The following PYROXD1 variants were observed in gnomAD, a reference collection of about 807,000 sequenced individuals.
The protein encoded by PYROXD1 is pyridine nucleotide-disulphide oxidoreductase domain 1, also known as tRNA ligase complex-associated NAD(P)H dehydrogenase PYROXD1.
Under a neutral mutation model 62.0 loss-of-function variants are expected in PYROXD1, and 42 were observed. That is an observed-to-expected ratio of 0.68 (90% CI 0.53 to 0.88). The LOEUF is 0.88. Among genes scored for constraint, PYROXD1 ranks in the 40% least tolerant of loss-of-function variants. The pLI is 0.00. For missense variants in PYROXD1, 493 were observed against 604.8 expected (o/e 0.82, Z 1.94); for synonymous variants, 170 against 206.4 (o/e 0.82, Z 1.51).
intron 10 of PYROXD1, among the ~76,000 whole-genome samples, chr12:21,463,234 G>A (rs1366166271): frequency 1.3e-5 from 2 of 152,186 alleles, no homozygotes; most frequent in Middle Eastern, 3.2e-3. Context: ...TAATGTGACT[G>A]AGGAACTGAA....
intron 2 of PYROXD1, among the ~76,000 whole-genome samples, chr12:21,442,330 T>C (rs1198943921): frequency 6.6e-6 from 1 of 152,084 alleles, no homozygotes; most frequent in Non-Finnish European, 1.5e-5. Flanking sequence ...GGTAATAGAA[T>C]ATGAGGTGAG....
intron 7 of PYROXD1, among the ~76,000 whole-genome samples, chr12:21,458,106 C>CTA (rs1942632732): frequency 6.6e-6 from 1 of 152,154 alleles, no homozygotes; most frequent in Non-Finnish European, 1.5e-5. Context: ...TGTGAAGGTC[C>CTA]TAGATAGCAT....
chr12:21,460,870 G>A (rs1399079509), intron 7 of PYROXD1, 155 bp from the exon 8 acceptor site: 3 of 436,734 alleles, frequency 6.9e-6, no homozygotes, highest in Non-Finnish European at 1.2e-5. Context: ...TGTGCATAGA[G>A]AGACTTATTT....
Position 21,469,572 on chromosome 12 carries a change from A to G in PYROXD1, c.*818A>G, listed in dbSNP as rs1942878691. ...TCAAAAAGATGGTTATGTCAAAAGA[A>G]AAAATATAGCTAAGTATATAAAGGC... On this transcript the variant is annotated 3_prime_UTR_variant, in exon 12 of 12. Coordinates refer to ENST00000240651, the MANE Select transcript of PYROXD1 (RefSeq NM_024854.5). 6.6e-6 allele frequency: 1 copy of G among 152,094 alleles called. No homozygotes were observed. The highest frequency in any genetic ancestry group is 6.6e-5 in the Admixed American group (1 of 15,170). The allele number at this position is 152,094 out of a possible 1,614,324, so 9.4% of individuals were successfully genotyped here.
intron 10 of PYROXD1, among the ~76,000 whole-genome samples, chr12:21,466,349 G>C (rs1942793514): frequency 6.6e-6 from 1 of 151,252 alleles, no homozygotes; most frequent in Admixed American, 6.6e-5. Flanking sequence ...TCATTGAGCA[G>C]TGGTTTGTAG....
chr12:21,469,032 A>G lies in PYROXD1; in HGVS notation c.*278A>G. 3.5e-6 allele frequency: 1 copy of G among 284,748 alleles called. No individual in the cohort carries two copies. Among genetic ancestry groups the G allele is most frequent in the Middle Eastern group, 1.2e-3 (1 of 820 alleles). The allele number at this position is 284,748 out of a possible 1,614,324, so 17.6% of individuals were successfully genotyped here. ...TTAAACATAAATATGTTTACTTGTG[A>G]TTTAGCTTTGGAGCAAATTTAGGTA... On this transcript the variant is annotated 3_prime_UTR_variant, in exon 12 of 12. Transcript: ENST00000240651.
At chr12:21,452,789 A>G (rs1182342668) in intron 5 of PYROXD1, among the ~76,000 whole-genome samples, 3 of 152,124 alleles carry the variant, frequency 2.0e-5, no homozygotes, top group Non-Finnish European at 4.4e-5. Flanking sequence ...TTGACATGAA[A>G]TAGTCTGGAT....
rs562554056 is a variant in PYROXD1, at chr12:21,465,963, GA to G, written c.1117-1517del. Among the ~76,000 whole-genome samples, 363 of 152,280 alleles carry G rather than the reference GA, an allele frequency of 2.4e-3. 1 individual carries two copies. Among genetic ancestry groups the G allele is most frequent in the African/African-American group, 8.5e-3 (355 of 41,550 alleles). ...TCTTCTTTTTGTCAGGTTTGTGAAA[GA>G]TCAGATAGTTGTAGATATGAGGCAT... is the stretch of plus-strand genomic sequence containing the variant. On this transcript the variant is annotated intron_variant, in intron 10 of 11. Transcript: ENST00000240651.
intron 3 of PYROXD1, 44 bp from the exon 4 acceptor site, chr12:21,449,519 G>A (rs1222245159): frequency 1.3e-6 from 2 of 1,577,062 alleles, no homozygotes; most frequent in Non-Finnish European, 1.7e-6. Flanking sequence ...TATCCATGTT[G>A]ATTATGTGTC....
chr12:21,447,529 T>C (rs964786721), intron 3 of PYROXD1: 5 of 163,282 alleles, frequency 3.1e-5, no homozygotes, highest in Non-Finnish European at 7.3e-5. Flanking sequence ...CCTTCTCTTA[T>C]CCATTGTCCT....
At chr12:21,464,734 T>TA (rs200841929) in intron 10 of PYROXD1, among the ~76,000 whole-genome samples, 2,088 of 150,234 alleles carry the variant, frequency 0.014, 37 homozygotes, top group African/African-American at 0.033. Flanking sequence ...GTTTTTTTTT[T>TA]TTATTATTAT....
In PYROXD1 at chr12:21,468,900, A is replaced by T; in HGVS notation, c.*146A>T. 1.3e-6 allele frequency: 1 copy of T among 761,374 alleles called. No homozygotes were observed. Among genetic ancestry groups the T allele is most frequent in the Non-Finnish European group, 2.0e-6 (1 of 491,074 alleles). 47.2% of individuals were successfully genotyped at this position (761,374 alleles called of 1,614,324 possible). ...ATGATATTAGTGGAAAAATATAAAA[A>T]CATAAATTCTAAGTTTGAAATCAGT... is the stretch of plus-strand genomic sequence containing the variant. On this transcript the variant is annotated 3_prime_UTR_variant, in exon 12 of 12. Coordinates refer to ENST00000240651, the MANE Select transcript of PYROXD1 (RefSeq NM_024854.5).
Position 21,469,237 on chromosome 12 carries a change from A to G in PYROXD1, c.*483A>G, listed in dbSNP as rs576613389. On this transcript the variant is annotated 3_prime_UTR_variant, in exon 12 of 12. Coordinates refer to ENST00000240651, the MANE Select transcript of PYROXD1 (RefSeq NM_024854.5). Reference sequence around the variant, plus strand: ...ACTTACTCCTTTTTTGTTGAATTGTACTTCTGGTTTTATAACCTGAAATCA... The same window carrying G: ...ACTTACTCCTTTTTTGTTGAATTGTGCTTCTGGTTTTATAACCTGAAATCA... 1 of 156,570 alleles carries G rather than the reference A, an allele frequency of 6.4e-6. No individual in the cohort carries two copies. Among genetic ancestry groups the G allele is most frequent in the African/African-American group, 2.4e-5 (1 of 41,548 alleles). The allele number at this position is 156,570 out of a possible 1,614,324, so 9.7% of individuals were successfully genotyped here.
chr12:21,462,217 C>T, intron 9 of PYROXD1, 97 bp downstream of exon 9: 1 of 692,474 alleles, frequency 1.4e-6, no homozygotes, highest in South Asian at 1.8e-5. Flanking sequence ...TTTTAGTGTA[C>T]AACTGTAACT....
chr12:21,445,950 G>A (rs1476904), intron 3 of PYROXD1, among the ~76,000 whole-genome samples: 75,046 of 151,842 alleles, frequency 0.49, 18,591 homozygotes, highest in Middle Eastern at 0.59. Flanking sequence ...GAGTTCCCCA[G>A]GTGGAAAGAG....
chr12:21,455,199 G>C lies in PYROXD1; in HGVS notation c.556G>C (p.Asp186His). 6.4e-7 allele frequency: 1 copy of C among 1,572,750 alleles called. No homozygotes were observed. The highest frequency in any genetic ancestry group is 8.6e-7 in the Non-Finnish European group (1 of 1,159,188). The change falls in exon 6 of 12, where the codon GAT becomes CAT. Residue 186 changes from aspartate (D) to histidine (H), a missense_variant. Asp to His is a moderately conservative substitution (Grantham distance 81). This residue lies in a region of PYROXD1 where 329 missense variants were observed against 446.6 expected (regional missense o/e 0.74). Coordinates refer to ENST00000240651, the MANE Select transcript of PYROXD1 (RefSeq NM_024854.5). ...KDKAIGNTFF[D>H]AGAAEFLTSK... Reference sequence around the variant, plus strand: ...TAAAGCTATAGGGAATACTTTCTTCGATGCAGGAGCAGCTGAATTCTTGAC... The same window carrying C: ...TAAAGCTATAGGGAATACTTTCTTCCATGCAGGAGCAGCTGAATTCTTGAC...
In PYROXD1 at chr12:21,470,526, G is replaced by T. The variant is rs1355942036; in HGVS notation, c.*1772G>T. On this transcript the variant is annotated 3_prime_UTR_variant, in exon 12 of 12. Transcript: ENST00000240651. Reference sequence around the variant, plus strand: ...AATATGAGCTCTATTTTGAATAAAAGGGGCTACGTTGTGAGAGAAGTTCTA... The same window carrying T: ...AATATGAGCTCTATTTTGAATAAAATGGGCTACGTTGTGAGAGAAGTTCTA... The T allele has an allele frequency of 2.0e-6, 2 of 989,174 alleles. No homozygotes were observed. Among genetic ancestry groups the T allele is most frequent in the African/African-American group, 3.3e-5 (2 of 59,886 alleles). 61.3% of individuals were successfully genotyped at this position (989,174 alleles called of 1,614,324 possible).
Position 21,437,669 on chromosome 12 carries a change from C to T in PYROXD1, c.-62C>T, listed in dbSNP as rs1489639705. 1.3e-6 allele frequency: 2 copies of T among 1,527,362 alleles called. No individual in the cohort carries two copies. Among genetic ancestry groups the T allele is most frequent in the Non-Finnish European group, 1.8e-6 (2 of 1,119,352 alleles). 94.6% of individuals were successfully genotyped at this position (1,527,362 alleles called of 1,614,324 possible). A position where few individuals can be genotyped will look rare whatever the true frequency, so the allele number is the denominator to read the frequency against. ...GACCGCCTCGCGGCTGCTTCCTCTC[C>T]TGGAGTCCAGAGTCCCGTTGCTCCG... On this transcript the variant is annotated 5_prime_UTR_variant, in exon 1 of 12. Transcript: ENST00000240651.
intron 4 of PYROXD1, 76 bp from the exon 5 acceptor site, chr12:21,452,005 T>C (rs1942507749): frequency 2.4e-6 from 2 of 844,124 alleles, no homozygotes; most frequent in South Asian, 3.4e-5. Flanking sequence ...ATTTTTAGAA[T>C]ATTATCGAAG....
Sources: allele counts gnomAD v4.1 joint callset (sites outside exome capture counted in the v4.1 genomes callset), GRCh38; gene constraint gnomAD v4.1.1; regional missense constraint gnomAD v4.1.1; transcripts MANE v1.5; gene names NCBI Gene and HGNC (gene_info 2026-07-23, HGNC 2026-07-21).